RBFOX1: variants seen among roughly 807,000 people sequenced by gnomAD.
RBFOX1 encodes the protein RNA binding protein fox-1 homolog 1.
RBFOX1 carries 8 observed loss-of-function variants against 57.7 expected under a neutral mutation model. The ratio of observed to expected loss-of-function variants is 0.14; its 90% CI spans 0.08 to 0.25. The LOEUF is 0.25. Ranked by LOEUF, RBFOX1 falls within the 10% of genes least tolerant of loss-of-function variation. The pLI is 1.00. For missense variants in RBFOX1, 611 were observed against 548.5 expected, an observed-to-expected ratio of 1.11 and a Z score of -1.14; for synonymous variants, 326 against 222.4, an observed-to-expected ratio of 1.47 and a Z score of -4.15.
At chr16:7,325,912 G>C (rs1316438640) in intron 4 of RBFOX1, among the ~76,000 whole-genome samples, 1 of 152,138 alleles carries the variant, frequency 6.6e-6, no homozygotes, top group Non-Finnish European at 1.5e-5. Flanking sequence ...ACCTACGCTG[G>C]ATGGAGTTTG....
At position 5,997,684 on chromosome 16, in the gene RBFOX1, A is replaced by G. The variant is rs189390479; in HGVS notation, c.351+130349A>G. 5.9e-5 allele frequency among the ~76,000 whole-genome samples: 9 copies of G among 152,310 alleles called. No homozygotes were observed. In the East Asian group the frequency reaches 1.7e-3, roughly 29 times the overall value. Reference sequence around the variant, plus strand: ...TTTCAGCTTTAAAGTTGGAAGAGGAATGGTTTTCACATTTTCCCAAGGCAA... The same window carrying G: ...TTTCAGCTTTAAAGTTGGAAGAGGAGTGGTTTTCACATTTTCCCAAGGCAA... On this transcript the variant is annotated intron_variant, in intron 4 of 19. Coordinates refer to the RBFOX1 transcript ENST00000641259.
chr16:5,731,146 T>C (rs1218306285), intron 3 of RBFOX1, among the ~76,000 whole-genome samples: 1 of 152,082 alleles, frequency 6.6e-6, no homozygotes, highest in African/African-American at 2.4e-5. Context: ...ACCACCACCA[T>C]TATCATTACC....
At chr16:7,200,115 A>C (rs1217762644) in intron 4 of RBFOX1, among the ~76,000 whole-genome samples, 1 of 152,210 alleles carries the variant, frequency 6.6e-6, no homozygotes, top group Non-Finnish European at 1.5e-5. Flanking sequence ...AACACATAGC[A>C]CCAACAAAAC....
intron 4 of RBFOX1, among the ~76,000 whole-genome samples, chr16:5,916,235 C>T (rs12446719): frequency 5.9e-4 from 89 of 152,122 alleles, no homozygotes; most frequent in Non-Finnish European, 1.1e-3. Context: ...TTCCCATCAC[C>T]GTAACAGGTT....
intron 3 of RBFOX1, among the ~76,000 whole-genome samples, chr16:7,012,879 C>A (rs987518987): frequency 6.6e-6 from 1 of 152,100 alleles, no homozygotes; most frequent in African/African-American, 2.4e-5. Context: ...TTTCCCATAG[C>A]TGGGGAGGCT....
intron 3 of RBFOX1, among the ~76,000 whole-genome samples, chr16:6,792,478 A>T (rs778717101): frequency 6.6e-6 from 1 of 152,164 alleles, no homozygotes; most frequent in African/African-American, 2.4e-5. Flanking sequence ...GGTGAGATGA[A>T]TTCCATATTT....
At chr16:5,677,699 A>G (rs183980219) in intron 3 of RBFOX1, among the ~76,000 whole-genome samples, 1 of 152,376 alleles carries the variant, frequency 6.6e-6, no homozygotes, top group African/African-American at 2.4e-5. Context: ...CCTTCTATCA[A>G]GTCTGAAAAA....
At chr16:6,450,839 G>GTATATATATATATA (rs1202016714) in intron 2 of RBFOX1, among the ~76,000 whole-genome samples, 2 of 13,610 alleles carry the variant, frequency 1.5e-4, no homozygotes, top group Admixed American at 1.6e-3. Flanking sequence ...ATATATATGT[G>GTATATATATATATA]TATATATATA....
chr16:5,871,417 A>G (rs2057467123), intron 4 of RBFOX1, among the ~76,000 whole-genome samples: 2 of 152,234 alleles, frequency 1.3e-5, no homozygotes, highest in South Asian at 2.1e-4. Flanking sequence ...ATATTTGCAC[A>G]TTAATTGGCC....
At chr16:7,432,289 G>A (rs2098688297) in intron 4 of RBFOX1, among the ~76,000 whole-genome samples, 1 of 152,146 alleles carries the variant, frequency 6.6e-6, no homozygotes, top group African/African-American at 2.4e-5. Flanking sequence ...GTGAACTTTG[G>A]GATTTTGGTA....
At chr16:6,082,527 A>G (rs1198934398) in intron 1 of RBFOX1, among the ~76,000 whole-genome samples, 3 of 151,642 alleles carry the variant, frequency 2.0e-5, no homozygotes, top group Admixed American at 6.6e-5. Flanking sequence ...TAGGACAGCA[A>G]AGATGCTTGT....
chr16:7,001,776 GC>G (rs2153634711), intron 3 of RBFOX1, among the ~76,000 whole-genome samples: 1 of 152,112 alleles, frequency 6.6e-6, no homozygotes, highest in Non-Finnish European at 1.5e-5. Context: ...GTTTTTAGAA[GC>G]TTTTCAGAAC....
chr16:5,876,439 A>C (rs1051555885), intron 4 of RBFOX1, among the ~76,000 whole-genome samples: 2 of 152,150 alleles, frequency 1.3e-5, no homozygotes, highest in Non-Finnish European at 2.9e-5. Flanking sequence ...CAGACCCCCA[A>C]ACCAGCTGGG....
chr16:6,486,850 T>G (rs2095494568), intron 2 of RBFOX1, among the ~76,000 whole-genome samples: 1 of 152,080 alleles, frequency 6.6e-6, no homozygotes, highest in African/African-American at 2.4e-5. Context: ...TGAGAAGAAT[T>G]TTACAATTAT....
intron 3 of RBFOX1, among the ~76,000 whole-genome samples, chr16:6,911,745 C>T (rs898701344): frequency 6.6e-6 from 1 of 152,124 alleles, no homozygotes; most frequent in Non-Finnish European, 1.5e-5. Context: ...GTTTATTTTA[C>T]CATGCATACC....
chr16:6,729,524 G>T (rs1189687304), intron 3 of RBFOX1, among the ~76,000 whole-genome samples: 1 of 152,122 alleles, frequency 6.6e-6, no homozygotes, highest in African/African-American at 2.4e-5. Flanking sequence ...AAACAAAGAA[G>T]ATGTTTATAT....
rs561268635 is a variant in RBFOX1, at chr16:5,847,111, G to C, written c.319-20192G>C. ...TTCCGAAGTGGCTGTGCAAGGGCCA[G>C]GCTGTTCTCTGGAAGTCATTTGAAG... On this transcript the variant is annotated intron_variant, in intron 3 of 19. Transcript: ENST00000641259. 3.6e-3 allele frequency among the ~76,000 whole-genome samples: 556 copies of C among 152,332 alleles called. 6 individuals carry two copies. Among genetic ancestry groups the C allele is most frequent in the Middle Eastern group, 0.027 (8 of 294 alleles).
intron 4 of RBFOX1, among the ~76,000 whole-genome samples, chr16:7,455,764 G>A (rs11642899): frequency 7.5e-6 from 1 of 132,840 alleles, no homozygotes; most frequent in East Asian, 2.3e-4. Context: ...TCCAGCCTGG[G>A]AACAGAATGA....
chr16:6,603,404 C>T (rs1224457025), intron 2 of RBFOX1, among the ~76,000 whole-genome samples: 1 of 152,174 alleles, frequency 6.6e-6, no homozygotes, highest in East Asian at 1.9e-4. Context: ...ATATGAAGGC[C>T]ACCATCTCCT....
Sources: allele counts gnomAD v4.1 joint callset (sites outside exome capture counted in the v4.1 genomes callset), GRCh38; gene constraint gnomAD v4.1.1; transcripts MANE v1.5; gene names NCBI Gene and HGNC (gene_info 2026-07-23, HGNC 2026-07-21).